Variants in EYA1 observed in about 807,000 individuals in gnomAD.
EYA1 encodes EYA transcriptional coactivator and phosphatase 1.
In EYA1, 16 loss-of-function variants were observed where a neutral mutation model predicts 82.0. The ratio of observed to expected loss-of-function variants is 0.20; its 90% CI spans 0.13 to 0.30. The LOEUF (loss-of-function observed/expected upper bound fraction) is 0.30, where lower values mean the gene tolerates loss of function less well. EYA1 is among the 10% of genes least tolerant of loss of function. The probability of loss-of-function intolerance (pLI) is 1.00; values close to 1 mark genes in which losing one functional copy is unlikely to be tolerated. For synonymous variants in EYA1, 261 were observed against 264.4 expected (o/e 0.99, Z 0.12); for missense variants, 633 against 730.7 (o/e 0.87, Z 1.54).
chr8:71,277,620 G>A (rs953785181), intron 9 of EYA1, among the ~76,000 whole-genome samples: 6 of 152,042 alleles, frequency 3.9e-5, no homozygotes, highest in Non-Finnish European at 7.4e-5. Flanking sequence ...GCAATTATTT[G>A]CATTTGTGGT....
chr8:71,226,262 T>TA (rs971404185), intron 12 of EYA1, among the ~76,000 whole-genome samples: 19 of 151,854 alleles, frequency 1.3e-4, no homozygotes, highest in Admixed American at 1.1e-3. Context: ...ATGTGCTAAT[T>TA]AAAAAAAATA....
chr8:71,382,822 T>C (rs1586596046), intron 2 of EYA1, among the ~76,000 whole-genome samples: 1 of 152,086 alleles, frequency 6.6e-6, no homozygotes, highest in African/African-American at 2.4e-5. Context: ...AGAAATCATA[T>C]CGATTTCTAG....
intron 2 of EYA1, among the ~76,000 whole-genome samples, chr8:71,386,094 AG>A (rs1828952649): frequency 6.6e-6 from 1 of 152,200 alleles, no homozygotes; most frequent in Non-Finnish European, 1.5e-5. Flanking sequence ...TCTGTTTTTC[AG>A]TAATGATAAT....
intron 2 of EYA1, among the ~76,000 whole-genome samples, chr8:71,443,427 C>T (rs879607755): frequency 2.6e-5 from 4 of 152,122 alleles, no homozygotes; most frequent in South Asian, 2.1e-4. Context: ...GGGTAAAGCA[C>T]GTGCCATCAC....
intron 9 of EYA1, among the ~76,000 whole-genome samples, chr8:71,297,623 C>T (rs1819729875): frequency 6.6e-6 from 1 of 152,130 alleles, no homozygotes; most frequent in Non-Finnish European, 1.5e-5. Context: ...AAGGCAAGAT[C>T]TCCCTAAAGT....
chr8:71,228,411 T>C (rs997264509), intron 12 of EYA1, among the ~76,000 whole-genome samples: 2 of 151,814 alleles, frequency 1.3e-5, no homozygotes, highest in African/African-American at 2.4e-5. Flanking sequence ...CCCCAAATCA[T>C]TGGGTGTTAA....
chr8:71,261,200 A>G (rs1467513698), intron 11 of EYA1, among the ~76,000 whole-genome samples: 2 of 152,192 alleles, frequency 1.3e-5, no homozygotes, highest in Admixed American at 6.5e-5. Context: ...CACATAACCA[A>G]AAGTGTTATC....
At chr8:71,246,407 A>T (rs13268423) in intron 11 of EYA1, among the ~76,000 whole-genome samples, 1 of 152,246 alleles carries the variant, frequency 6.6e-6, no homozygotes, top group East Asian at 1.9e-4. Context: ...TCAAGAACAT[A>T]CAATCCAAAG....
chr8:71,277,448 G>C (rs1817335386), intron 9 of EYA1, among the ~76,000 whole-genome samples: 1 of 151,984 alleles, frequency 6.6e-6, no homozygotes, highest in South Asian at 2.1e-4. Context: ...CAATGCACCT[G>C]GCCCTTGTCT....
chr8:71,446,402 T>C (rs1318599318), intron 2 of EYA1, among the ~76,000 whole-genome samples: 1 of 151,642 alleles, frequency 6.6e-6, no homozygotes, highest in Non-Finnish European at 1.5e-5. Context: ...GGTGACTGCT[T>C]CCCCTTCTGC....
intron 12 of EYA1, among the ~76,000 whole-genome samples, chr8:71,231,897 A>C (rs1448739652): frequency 6.6e-6 from 1 of 152,238 alleles, no homozygotes; most frequent in Admixed American, 6.5e-5. Flanking sequence ...CACAGTGAGA[A>C]AGAAAGCTTT....
At chr8:71,333,252 TTG>T (rs1824098222) in intron 4 of EYA1, among the ~76,000 whole-genome samples, 2 of 152,342 alleles carry the variant, frequency 1.3e-5, no homozygotes, top group Admixed American at 1.3e-4. Context: ...AGTATCGAAG[TTG>T]TGTGTTTGCA....
At chr8:71,472,788 G>GATATACAT (rs1554592239) in intron 2 of EYA1, among the ~76,000 whole-genome samples, 3 of 126,828 alleles carry the variant, frequency 2.4e-5, no homozygotes, top group Non-Finnish European at 4.8e-5. Context: ...TAGCTTTGAA[G>GATATACAT]ATATATATAT....
intron 6 of EYA1, among the ~76,000 whole-genome samples, chr8:71,321,362 T>C (rs1301719650): frequency 6.6e-6 from 1 of 152,224 alleles, no homozygotes; most frequent in Non-Finnish European, 1.5e-5. Flanking sequence ...GCTAGGCATC[T>C]GATAAATAGG....
At chr8:71,345,228 G>A (rs1825569543) in intron 3 of EYA1, among the ~76,000 whole-genome samples, 1 of 152,182 alleles carries the variant, frequency 6.6e-6, no homozygotes, top group Non-Finnish European at 1.5e-5. Context: ...AAGGGGCAAT[G>A]CCATTCTACA....
chr8:71,204,624 GA>G (rs1391331334), intron 17 of EYA1, among the ~76,000 whole-genome samples: 1 of 152,134 alleles, frequency 6.6e-6, no homozygotes, highest in East Asian at 1.9e-4. Flanking sequence ...TTCATGGACT[GA>G]TATAGAATAA....
intron 17 of EYA1, among the ~76,000 whole-genome samples, chr8:71,205,095 T>C (rs1807587024): frequency 6.6e-6 from 1 of 152,192 alleles, no homozygotes; most frequent in South Asian, 2.1e-4. Context: ...TTGGGCATTA[T>C]TAATCAGGTT....
intron 9 of EYA1, among the ~76,000 whole-genome samples, chr8:71,281,229 T>C (rs992035624): frequency 6.6e-6 from 1 of 152,214 alleles, no homozygotes; most frequent in Non-Finnish European, 1.5e-5. Flanking sequence ...TTTTCTTATG[T>C]TATTTTGTTT....
At chr8:71,305,233 TAAATA>T (rs1445412074) in intron 7 of EYA1, among the ~76,000 whole-genome samples, 1 of 142,974 alleles carries the variant, frequency 7.0e-6, no homozygotes, top group African/African-American at 2.5e-5. Flanking sequence ...CACCTCCAGA[TAAATA>T]AAATAGAGCC....
Sources: gnomAD v4.1 joint callset for allele counts (sites outside exome capture counted in the v4.1 genomes callset) on GRCh38, gnomAD v4.1.1 for gene constraint, MANE v1.5 for transcripts, NCBI Gene and HGNC (gene_info 2026-07-23, HGNC 2026-07-21) for gene names.